Variants in VSIG10 observed in about 807,000 individuals in gnomAD.
VSIG10 encodes V-set and immunoglobulin domain-containing protein 10.
Under a neutral mutation model 58.7 loss-of-function variants are expected in VSIG10, and 48 were observed. The observed-to-expected ratio is 0.82, with a 90% confidence interval of 0.65 to 1.04. The LOEUF (loss-of-function observed/expected upper bound fraction) is 1.04. VSIG10 is among the 50% of genes least tolerant of loss of function. VSIG10 has a pLI of 0.00. For synonymous variants in VSIG10, 260 were observed against 267.1 expected (o/e 0.97, Z 0.26); for missense variants, 628 against 670.0 (o/e 0.94, Z 0.69).
chr12:118,093,131 TA>T (rs1240668188), intron 2 of VSIG10, among the ~76,000 whole-genome samples: 2 of 41,454 alleles, frequency 4.8e-5, no homozygotes, highest in African/African-American at 1.6e-4. Context: ...CTGCTAAAAA[TA>T]CAAAAAAAAA....
intron 2 of VSIG10, 25 bp from the exon 3 acceptor site, chr12:118,082,454 T>C: frequency 6.3e-7 from 1 of 1,593,960 alleles, no homozygotes; most frequent in South Asian, 1.1e-5. Flanking sequence ...GGGAATAGGA[T>C]GGCATTAATT....
In VSIG10 at chr12:118,095,799, A is replaced by G; in HGVS notation, c.95T>C (p.Val32Ala). The G allele has an allele frequency of 6.2e-7, 1 of 1,609,672 alleles. No individual in the cohort carries two copies. The highest frequency in any genetic ancestry group is 1.1e-5 in the South Asian group (1 of 90,156). ...AACATTCTCATGAACTTCTCCAATG[A>G]CAACAGCCTCCAATCCTGTACAAGG... Reference protein sequence around the residue: ...GWVAVGLEAVVIGEVHENVTL... With the variant: ...GWVAVGLEAVAIGEVHENVTL... The change falls in exon 2 of 9, where the codon GTC becomes GCC. Residue 32 changes from valine (V) to alanine (A), a missense_variant. Val to Ala is a moderately conservative substitution (Grantham distance 64). Transcript: ENST00000359236.
chr12:118,101,054 C>CATAGAATGTT (rs2033610838), intron 1 of VSIG10, among the ~76,000 whole-genome samples: 2 of 152,182 alleles, frequency 1.3e-5, no homozygotes, highest in Non-Finnish European at 2.9e-5. Context: ...TTGTTTTCTC[C>CATAGAATGTT]TCCAAGGCAT....
chr12:118,096,931 C>G (rs1166837507), intron 1 of VSIG10, among the ~76,000 whole-genome samples: 1 of 151,550 alleles, frequency 6.6e-6, no homozygotes, highest in Non-Finnish European at 1.5e-5. Flanking sequence ...CCCAGCTACT[C>G]GGGAAGCTAA....
In VSIG10 at chr12:118,088,913, C is replaced by T. The variant is rs376483668; in HGVS notation, c.362-6484G>A. Among the ~76,000 whole-genome samples the T allele has an allele frequency of 1.0e-3, 153 of 152,090 alleles. 1 individual carries two copies. Among genetic ancestry groups the T allele is most frequent in the Non-Finnish European group, 1.1e-3 (76 of 67,988 alleles). ...ACTTCCCTGGAGGGAGTACAAAGTG[C>T]CACTGGAATTCAGTGACATTTTTAT... On this transcript the variant is annotated intron_variant, in intron 2 of 8. Coordinates refer to ENST00000359236, the MANE Select transcript of VSIG10 (RefSeq NM_019086.6).
At chr12:118,094,883 T>G (rs958447402) in intron 2 of VSIG10, among the ~76,000 whole-genome samples, 1 of 144,254 alleles carries the variant, frequency 6.9e-6, no homozygotes, top group African/African-American at 2.6e-5. Flanking sequence ...ATTACAGGCG[T>G]GCGCCACCAT....
Position 118,079,554 on chromosome 12 carries a change from G to T in VSIG10, c.717C>A (p.Phe239Leu). 1 of 1,614,028 alleles carries T rather than the reference G, an allele frequency of 6.2e-7. No individual in the cohort carries two copies. The highest frequency in any genetic ancestry group is 2.2e-5 in the East Asian group (1 of 44,886). ...CCCAGCGACAGGTAAGCTGCAACAT[G>T]AACGATCCTGATGCCATCTGTGCCC... ...QCWAQMASGSFMLQLTCRWDG... is the reference protein window; with the variant it reads ...QCWAQMASGSLMLQLTCRWDG... Residue 239 changes from phenylalanine to leucine, a missense_variant, in exon 4 of 9, where the codon TTC (phenylalanine) becomes TTA (leucine). By Grantham distance (22) the Phe-to-Leu change is conservative. Transcript: ENST00000359236.
In VSIG10 at chr12:118,103,623, C is replaced by T; in HGVS notation, c.49G>A (p.Gly17Arg). The change falls in exon 1 of 9, where the codon GGG becomes AGG. Residue 17 changes from glycine to arginine, a missense_variant. Transcript: ENST00000359236. Reference sequence around the variant, plus strand: ...GCGACCCAGCCGGCCAGGAGCGCCCCGAGGCAGACGAGGACGCGGGGCTCG... The same window carrying T: ...GCGACCCAGCCGGCCAGGAGCGCCCTGAGGCAGACGAGGACGCGGGGCTCG... ...APEPRVLVCL[G>R]ALLAGWVAVG... The T allele has an allele frequency of 6.6e-7, 1 of 1,515,514 alleles. No individual in the cohort carries two copies. 93.9% of individuals were successfully genotyped at this position (1,515,514 alleles called of 1,614,324 possible).
chr12:118,073,029 G>T lies in VSIG10; in HGVS notation c.1219+670C>A, dbSNP rs143001026. ...CTCGCTCTGTCACCCAAGCTGAAGT[G>T]CAGTGGTGTGATCTCGGCTCACTGC... On this transcript the variant is annotated intron_variant, in intron 5 of 8. Transcript: ENST00000359236. Among the ~76,000 whole-genome samples the T allele has an allele frequency of 5.9e-3, 904 of 152,294 alleles. 8 individuals carry two copies. The highest frequency in any genetic ancestry group is 0.02 in the African/African-American group (844 of 41,540).
intron 6 of VSIG10, 77 bp downstream of exon 6, chr12:118,071,282 G>C: frequency 7.0e-7 from 1 of 1,438,140 alleles, no homozygotes; most frequent in South Asian, 1.2e-5. Flanking sequence ...GTGGGAGCAA[G>C]GCAGGGGCCA....
At chr12:118,096,178 C>T (rs1389341423) in intron 1 of VSIG10, among the ~76,000 whole-genome samples, 5 of 152,044 alleles carry the variant, frequency 3.3e-5, no homozygotes, top group Non-Finnish European at 5.9e-5. Flanking sequence ...AAGTCAGGCT[C>T]ATGCCTGTAA....
Position 118,066,749 on chromosome 12 carries a change from C to T in VSIG10, c.1568-55G>A, listed in dbSNP as rs2032262777. On this transcript the variant is annotated intron_variant, in intron 8 of 8. Coordinates refer to ENST00000359236, the MANE Select transcript of VSIG10 (RefSeq NM_019086.6). ...TGTAATCAGAGTGTGATTCTATTTCCACCGTCAGTCATCAATCATCTCAGT... is the reference window on the plus strand; with the variant it reads ...TGTAATCAGAGTGTGATTCTATTTCTACCGTCAGTCATCAATCATCTCAGT... The T allele has an allele frequency of 8.0e-6, 12 of 1,504,910 alleles. No individual in the cohort carries two copies. The Middle Eastern group carries it at 1.1e-3, about 134-fold the overall frequency. The allele number at this position is 1,504,910 out of a possible 1,614,324, so 93.2% of individuals were successfully genotyped here.
At position 118,064,161 on chromosome 12, in the gene VSIG10, G is replaced by T. The variant is rs1014655271; in HGVS notation, c.*2478C>A. 1.3e-5 allele frequency: 2 copies of T among 152,184 alleles called. No homozygotes were observed. Among genetic ancestry groups the T allele is most frequent in the Non-Finnish European group, 2.9e-5 (2 of 68,034 alleles). 9.4% of individuals were successfully genotyped at this position (152,184 alleles called of 1,614,324 possible). ...GGATTTGGGCATGGATCGTCTTAAA[G>T]AAGCCCGAATTCTTCAAAAAATCCT... On this transcript the variant is annotated 3_prime_UTR_variant, in exon 9 of 9. Transcript: ENST00000359236.
At position 118,090,865 on chromosome 12, in the gene VSIG10, T is replaced by C. The variant is rs191753790; in HGVS notation, c.361+4668A>G. 2.6e-5 allele frequency among the ~76,000 whole-genome samples: 4 copies of C among 152,210 alleles called. No homozygotes were observed. The East Asian group carries it at 7.7e-4, about 29-fold the overall frequency. On this transcript the variant is annotated intron_variant, in intron 2 of 8. Transcript: ENST00000359236. The stretch of plus-strand genomic sequence containing the variant: ...GTCACTACTTCCAGGCCAGATGCAG[T>C]GGTTCATGTCTGTAATCCCAGCTTT...
At chr12:118,079,697 A>C in intron 3 of VSIG10, 91 bp from the exon 4 acceptor site, 2 of 1,535,796 alleles carry the variant, frequency 1.3e-6, no homozygotes, top group Non-Finnish European at 8.8e-7. Flanking sequence ...CCAGGGTCTC[A>C]GAGGGACATC....
intron 1 of VSIG10, among the ~76,000 whole-genome samples, chr12:118,100,050 G>GA (rs1566181012): frequency 6.6e-6 from 1 of 152,248 alleles, no homozygotes; most frequent in South Asian, 2.1e-4. Flanking sequence ...AAAACAGCAA[G>GA]AAATGCTTCT....
intron 2 of VSIG10, among the ~76,000 whole-genome samples, chr12:118,090,516 G>A (rs1167805748): frequency 6.6e-6 from 1 of 152,036 alleles, no homozygotes; most frequent in African/African-American, 2.4e-5. Context: ...GTCTGGCCTG[G>A]CCTCCCATAT....
At chr12:118,090,582 TC>T (rs1464223144) in intron 2 of VSIG10, among the ~76,000 whole-genome samples, 1 of 152,130 alleles carries the variant, frequency 6.6e-6, no homozygotes, top group African/African-American at 2.4e-5. Flanking sequence ...GCCGGCCTTC[TC>T]CCTATCTGTG....
rs1402688098 is a variant in VSIG10 at position 118,082,126 on chromosome 12, CAGT to C, written c.662_664del (p.Tyr222del). The C allele has an allele frequency of 6.2e-7, 1 of 1,612,912 alleles. No individual in the cohort carries two copies. The highest frequency in any genetic ancestry group is 1.3e-5 in the African/African-American group (1 of 74,888). On this transcript the variant is annotated inframe_deletion and splice_region_variant, in exon 3 of 9. Coordinates refer to ENST00000359236, the MANE Select transcript of VSIG10 (RefSeq NM_019086.6). ...GGGGCAGAGGAGTGCTGCTTACGCA[CAGT>C]AGACCAGGAGCTCGGTGGTCACCTT...
Sources: gnomAD v4.1 joint callset for allele counts (sites outside exome capture counted in the v4.1 genomes callset) on GRCh38, gnomAD v4.1.1 for gene constraint, MANE v1.5 for transcripts, NCBI Gene and HGNC (gene_info 2026-07-23, HGNC 2026-07-21) for gene names.